The following ZNF414 variants were observed in gnomAD, a reference collection of about 807,000 sequenced individuals.
The protein encoded by ZNF414 is zinc finger protein 414.
In ZNF414, 32 loss-of-function variants were observed where a neutral mutation model predicts 38.3. The observed-to-expected ratio is 0.83, with a 90% CI of 0.63 to 1.12. The LOEUF (loss-of-function observed/expected upper bound fraction) is 1.12, where lower values mean the gene tolerates loss of function less well. ZNF414 is among the 50% of genes most tolerant of loss of function. The pLI is 0.00. For synonymous variants in ZNF414, 256 were observed against 248.0 expected (o/e 1.03, Z -0.30); for missense variants, 589 against 557.4 (o/e 1.06, Z -0.57).
chr19:8,511,654 C>T lies in ZNF414; in HGVS notation c.837G>A (p.Pro279=), dbSNP rs1971915895. 3 of 1,501,896 alleles carry T rather than the reference C, an allele frequency of 2.0e-6. No homozygotes were observed. The highest frequency in any genetic ancestry group is 4.8e-5 in the East Asian group (2 of 41,452). 93.0% of individuals were successfully genotyped at this position (1,501,896 alleles called of 1,614,324 possible). A position where few individuals can be genotyped will look rare whatever the true frequency, so the allele number is the denominator to read the frequency against. ...LRPFLAAAPG[P]PASSAAVWKK... ...TCCAGACGGCGGCGCTGGAAGCCGG[C>T]GGCCCGGGTGCAGCGGCCAGGAAGG... Residue 279 remains proline, a synonymous_variant, in exon 5 of 8, where the codon CCG becomes CCA. Transcript: ENST00000393927.
chr19:8,513,960 G>C lies in ZNF414; in HGVS notation c.3+84C>G, dbSNP rs1043127021. ...GGTGCCCGGATGTGGGGGCGGGGTC[G>C]GCCGGAGGCTGTAGGCGCGACAGGG... On this transcript the variant is annotated intron_variant, in intron 1 of 7. Coordinates refer to ENST00000393927, the MANE Select transcript of ZNF414 (RefSeq NM_001146175.2). The C allele has an allele frequency of 7.6e-6, 10 of 1,313,192 alleles. No homozygotes were observed. The African/African-American group carries it at 1.5e-4, about 20-fold the overall frequency. 81.3% of individuals were successfully genotyped at this position (1,313,192 alleles called of 1,614,324 possible).
At position 8,511,490 on chromosome 19, in the gene ZNF414, G is replaced by A. The variant is rs370546962; in HGVS notation, c.921C>T (p.Pro307=). The stretch of plus-strand genomic sequence containing the variant: ...CTGGTGGTCACCTGCACGCACCTGA[G>A]GGCGCGTCGGAGCCGCCCTGGGGTC... ...PRRPQGGSDA[P]SGHAAPSRIV... The change falls in exon 6 of 8, where the codon CCC becomes CCT. Residue 307 remains proline (P), a synonymous_variant. Transcript: ENST00000393927. 1.5e-4 allele frequency: 238 copies of A among 1,610,614 alleles called. 1 individual carries two copies. The South Asian group carries it at 2.5e-3, about 17-fold the overall frequency.
rs748302211 is a variant in ZNF414 at position 8,511,470 on chromosome 19, G to C, written c.925+16C>G. 1.1e-4 allele frequency: 181 copies of C among 1,610,218 alleles called. No homozygotes were observed. The highest frequency in any genetic ancestry group is 1.5e-4 in the Non-Finnish European group (175 of 1,178,760). ...GAAAGCCCCTCCACCCCTCCCTGGT[G>C]GTCACCTGCACGCACCTGAGGGCGC... On this transcript the variant is annotated intron_variant, in intron 6 of 7. Coordinates refer to ENST00000393927, the MANE Select transcript of ZNF414 (RefSeq NM_001146175.2).
Position 8,510,579 on chromosome 19 carries a change from A to T in ZNF414, c.*112T>A. 8.1e-7 allele frequency: 1 copy of T among 1,231,272 alleles called. No individual in the cohort carries two copies. The highest frequency in any genetic ancestry group is 1.1e-6 in the Non-Finnish European group (1 of 890,410). The allele number at this position is 1,231,272 out of a possible 1,614,324, so 76.3% of individuals were successfully genotyped here. ...TGGACAAGGGATGGGAACACAGCAT[A>T]GGCTGGCTCATGGCGCCTTCTTTAT... On this transcript the variant is annotated 3_prime_UTR_variant, in exon 8 of 8. Transcript: ENST00000393927.
intron 6 of ZNF414, 136 bp downstream of exon 6, chr19:8,511,350 T>C: frequency 6.8e-7 from 1 of 1,467,958 alleles, no homozygotes; most frequent in Non-Finnish European, 9.0e-7. Flanking sequence ...AAGGCAAAAA[T>C]CCTGTATTTC....
In ZNF414 at chr19:8,511,693, G is replaced by T. The variant is rs372467136; in HGVS notation, c.798C>A (p.Pro266=). ...CGGCCAGGAAGGGGCGCAGGCGCGG[G>T]GGGCTTAGGCCAAAGGGCGCAGGGT... The part of the protein sequence containing the change: ...YLNPAPFGLS[P]PRLRPFLAAA... The change falls in exon 5 of 8, where the codon CCC becomes CCA. Residue 266 remains proline (P), a synonymous_variant. Transcript: ENST00000393927. 55 of 1,493,512 alleles carry T rather than the reference G, an allele frequency of 3.7e-5. No individual in the cohort carries two copies. In the East Asian group the frequency reaches 1.2e-3, roughly 31 times the overall value. 92.5% of individuals were successfully genotyped at this position (1,493,512 alleles called of 1,614,324 possible). A position where few individuals can be genotyped will look rare whatever the true frequency, so the allele number is the denominator to read the frequency against.
In ZNF414 at chr19:8,512,113, G is replaced by C. The variant is rs1200183098; in HGVS notation, c.531-153C>G. The C allele has an allele frequency of 2.9e-5, 41 of 1,423,948 alleles. No homozygotes were observed. The South Asian group carries it at 4.8e-4, about 17-fold the overall frequency. 88.2% of individuals were successfully genotyped at this position (1,423,948 alleles called of 1,614,324 possible). ...TACAACTGTGGCAGCGACCCTTCCT[G>C]ACCACTTCGGGTGGGAACCTGGGGA... On this transcript the variant is annotated intron_variant, in intron 4 of 7. Transcript: ENST00000393927.
rs1424502332 is a variant in ZNF414, at chr19:8,512,452, G to C, written c.465C>G (p.Thr155=). The C allele has an allele frequency of 1.2e-6, 2 of 1,614,226 alleles. No homozygotes were observed. Among genetic ancestry groups the C allele is most frequent in the East Asian group, 4.5e-5 (2 of 44,886 alleles). Reference sequence around the variant, plus strand: ...CCACCAGCTCCTGCATGCTGGGGAAGGTCTCGGTGCAGCTCAGGGCTGAGC... The same window carrying C: ...CCACCAGCTCCTGCATGCTGGGGAACGTCTCGGTGCAGCTCAGGGCTGAGC... The part of the protein sequence containing the change: ...FRCSALSCTE[T]FPSMQELVAH... The change falls in exon 4 of 8, where the codon ACC becomes ACG. Residue 155 remains threonine (T), a synonymous_variant. Transcript: ENST00000393927.
intron 1 of ZNF414, 39 bp from the exon 2 acceptor site, chr19:8,513,380 C>T: frequency 1.3e-6 from 2 of 1,522,968 alleles, no homozygotes; most frequent in Non-Finnish European, 1.7e-6. Flanking sequence ...CTTCTGGGCT[C>T]TGGGTCAACC....
Position 8,512,983 on chromosome 19 carries a change from T to C in ZNF414, c.316+46A>G, listed in dbSNP as rs1971938811. 4.9e-6 allele frequency: 7 copies of C among 1,429,486 alleles called. No homozygotes were observed. In the East Asian group the frequency reaches 1.8e-4, roughly 37 times the overall value. 88.6% of individuals were successfully genotyped at this position (1,429,486 alleles called of 1,614,324 possible). A position where few individuals can be genotyped will look rare whatever the true frequency, so the allele number is the denominator to read the frequency against. On this transcript the variant is annotated intron_variant, in intron 2 of 7. Coordinates refer to ENST00000393927, the MANE Select transcript of ZNF414 (RefSeq NM_001146175.2). ...AGAGATTCTCTACGTCTCGCTTCTATTGTTTCAGGGACTGTGATTCCCCAG... is the reference window on the plus strand; with the variant it reads ...AGAGATTCTCTACGTCTCGCTTCTACTGTTTCAGGGACTGTGATTCCCCAG...
intron 6 of ZNF414, 83 bp downstream of exon 6, chr19:8,511,403 G>A: frequency 5.2e-6 from 8 of 1,551,686 alleles, no homozygotes; most frequent in Non-Finnish European, 7.0e-6. Context: ...GATGAGCACT[G>A]CTGCCTCCTG....
At chr19:8,511,435 G>A (rs1971911327) in intron 6 of ZNF414, 51 bp downstream of exon 6, 2 of 1,595,418 alleles carry the variant, frequency 1.3e-6, no homozygotes, top group Non-Finnish European at 1.7e-6. Flanking sequence ...ACCCCGCAGG[G>A]CGCAGGAAAG....
rs755140044 is a variant in ZNF414 at position 8,511,867 on chromosome 19, C to A, written c.624G>T (p.Pro208=). 9 of 1,398,212 alleles carry A rather than the reference C, an allele frequency of 6.4e-6. No individual in the cohort carries two copies. In the African/African-American group the frequency reaches 1.2e-4, roughly 19 times the overall value. The allele number at this position is 1,398,212 out of a possible 1,614,324, so 86.6% of individuals were successfully genotyped here. The change falls in exon 5 of 8, where the codon CCG becomes CCT. Residue 208 remains proline, a synonymous_variant. Coordinates refer to ENST00000393927, the MANE Select transcript of ZNF414 (RefSeq NM_001146175.2). ...CAEHAQSPAP[P]PPPALDREPP... ...GCTCTCGGTCCAGGGCCGGGGGTGG[C>A]GGCGGGGCTGGGCTCTGCGCATGCT...
At chr19:8,511,440 G>C (rs1260525855) in intron 6 of ZNF414, 46 bp downstream of exon 6, 3 of 1,600,866 alleles carry the variant, frequency 1.9e-6, no homozygotes, top group South Asian at 2.3e-5. Flanking sequence ...GCAGGGCGCA[G>C]GAAAGAAAGC....
At chr19:8,512,078 C>A in intron 4 of ZNF414, 118 bp from the exon 5 acceptor site, 6 of 1,406,710 alleles carry the variant, frequency 4.3e-6, no homozygotes, top group Non-Finnish European at 5.5e-6. Flanking sequence ...TAATCACCTC[C>A]CCGCTCCTGT....
intron 1 of ZNF414, 141 bp from the exon 2 acceptor site, chr19:8,513,482 G>C (rs1971947886): frequency 1.2e-6 from 1 of 806,024 alleles, no homozygotes; most frequent in Admixed American, 3.4e-5. Flanking sequence ...TTATAAAGAT[G>C]GGGTCTCGCC....
In ZNF414 at chr19:8,510,786, G is replaced by T. The variant is rs546353201; in HGVS notation, c.1100-22C>A. 10 of 1,535,378 alleles carry T rather than the reference G, an allele frequency of 6.5e-6. No individual in the cohort carries two copies. The African/African-American group carries it at 6.9e-5, about 11-fold the overall frequency. On this transcript the variant is annotated intron_variant, in intron 7 of 7. Coordinates refer to ENST00000393927, the MANE Select transcript of ZNF414 (RefSeq NM_001146175.2). ...GGATCTGGGTGGGGCAGAGGAGGGG[G>T]GCGCCTGAGCCTCAGCGCCTTGGGC...
Position 8,513,052 on chromosome 19 carries a change from G to A in ZNF414, c.293C>T (p.Pro98Leu), listed in dbSNP as rs1018380884. The change falls in exon 2 of 8, where the codon CCT (proline) becomes CTT (leucine). Residue 98 changes from proline to leucine, a missense_variant. By Grantham distance (98) the Pro-to-Leu change is moderately conservative. Coordinates refer to ENST00000393927, the MANE Select transcript of ZNF414 (RefSeq NM_001146175.2). ...ACCTGGAGGTGGGCGTCGTCTGGGAGGCCGCAGGTCCTCGCTGGTCCCGGA... is the reference window on the plus strand; with the variant it reads ...ACCTGGAGGTGGGCGTCGTCTGGGAAGCCGCAGGTCCTCGCTGGTCCCGGA... Reference protein sequence around the residue: ...IVSGTSEDLRPPRRRPPPGKQ... With the variant: ...IVSGTSEDLRLPRRRPPPGKQ... The A allele has an allele frequency of 1.4e-6, 2 of 1,473,214 alleles. No individual in the cohort carries two copies. The highest frequency in any genetic ancestry group is 1.8e-6 in the Non-Finnish European group (2 of 1,113,920). The allele number at this position is 1,473,214 out of a possible 1,614,324, so 91.3% of individuals were successfully genotyped here.
At chr19:8,513,396 G>A (rs1461224997) in intron 1 of ZNF414, 55 bp from the exon 2 acceptor site, 4 of 1,490,054 alleles carry the variant, frequency 2.7e-6, no homozygotes, top group South Asian at 1.3e-5. Context: ...CAACCCAGTC[G>A]GCCCCCATCC....
Sources: allele counts gnomAD v4.1 joint callset, GRCh38; gene constraint gnomAD v4.1.1; transcripts MANE v1.5; gene names NCBI Gene and HGNC (gene_info 2026-07-23, HGNC 2026-07-21).